The following ECPAS variants were observed in gnomAD, a reference collection of about 807,000 sequenced individuals.
ECPAS encodes the protein proteasome adapter and scaffold protein ECM29.
Under a neutral mutation model 255.1 loss-of-function variants are expected in ECPAS, and 70 were observed. The observed-to-expected ratio is 0.27, with a 90% confidence interval of 0.23 to 0.33. The LOEUF is 0.33. Ranked by LOEUF, ECPAS falls within the 10% of genes least tolerant of loss-of-function variation. ECPAS has a pLI of 1.00. For synonymous variants in ECPAS, 784 were observed against 775.0 expected, an observed-to-expected ratio of 1.01 and a Z score of -0.19; for missense variants, 1,817 against 2,206.4, an observed-to-expected ratio of 0.82 and a Z score of 3.54.
chr9:111,382,749 C>G (rs6477821), intron 35 of ECPAS, among the ~76,000 whole-genome samples: 104,659 of 152,140 alleles, frequency 0.69, 36,419 homozygotes, highest in African/African-American at 0.78. Context: ...CAGCACTGTA[C>G]TTTAAAAACA....
At chr9:111,383,457 A>G in intron 34 of ECPAS, 125 bp from the exon 35 acceptor site, 1 of 1,218,258 alleles carries the variant, frequency 8.2e-7, no homozygotes, top group South Asian at 1.6e-5. Flanking sequence ...TTTCTCTGAC[A>G]CTACAGAGAC....
At position 111,440,402 on chromosome 9, in the gene ECPAS, A is replaced by C; in HGVS notation, c.509T>G (p.Phe170Cys). Residue 170 changes from phenylalanine (F) to cysteine (C), a missense_variant, in exon 6 of 50, where the codon TTC becomes TGC. By Grantham distance (205) the Phe-to-Cys change is radical. Coordinates refer to ENST00000684092, the MANE Select transcript of ECPAS (RefSeq NM_001364929.1). The stretch of plus-strand genomic sequence containing the variant: ...AGGCATCAGAAGGACATCTAGCATG[A>C]AGTCCAAAAGCAGCTGCACAGTCTT... ...KPKTVQLLLD[F>C]MLDVLLMPYG... 1 of 1,613,226 alleles carries C rather than the reference A, an allele frequency of 6.2e-7. No individual in the cohort carries two copies. Among genetic ancestry groups the C allele is most frequent in the Non-Finnish European group, 8.5e-7 (1 of 1,179,440 alleles).
intron 38 of ECPAS, among the ~76,000 whole-genome samples, chr9:111,374,704 G>A (rs1201576697): frequency 6.6e-6 from 1 of 152,046 alleles, no homozygotes; most frequent in Admixed American, 6.6e-5. Flanking sequence ...GGGTGGTAGG[G>A]GGGTGTCTGA....
At chr9:111,459,644 A>G (rs1015074202) in intron 2 of ECPAS, among the ~76,000 whole-genome samples, 5 of 152,186 alleles carry the variant, frequency 3.3e-5, no homozygotes, top group African/African-American at 1.2e-4. Flanking sequence ...GAGACACAAG[A>G]GCTCATCATA....
intron 25 of ECPAS, among the ~76,000 whole-genome samples, chr9:111,396,473 A>G (rs16916060): frequency 0.056 from 8,484 of 152,290 alleles, 574 homozygotes; most frequent in African/African-American, 0.15. Context: ...AAAGAGCACA[A>G]GCTTCAAGGT....
At chr9:111,418,349 TCAGTGACTATC>T (rs778451730) in intron 16 of ECPAS, among the ~76,000 whole-genome samples, 11 of 152,132 alleles carry the variant, frequency 7.2e-5, no homozygotes, top group Non-Finnish European at 2.9e-5. Flanking sequence ...ATTTTAGAAG[TCAGTGACTATC>T]CAGTGGTCTA....
intron 20 of ECPAS, among the ~76,000 whole-genome samples, chr9:111,412,803 A>C (rs1401029161): frequency 6.6e-6 from 1 of 152,202 alleles, no homozygotes; most frequent in East Asian, 1.9e-4. Context: ...AAATGTGCAA[A>C]ACTCACACCT....
chr9:111,446,450 G>A (rs886725226), intron 3 of ECPAS, among the ~76,000 whole-genome samples: 5 of 152,134 alleles, frequency 3.3e-5, no homozygotes, highest in African/African-American at 7.2e-5. Context: ...TCTGAAATTC[G>A]TGCTCTAGCC....
At chr9:111,436,844 C>A in intron 7 of ECPAS, 96 bp downstream of exon 7, 1 of 1,058,322 alleles carries the variant, frequency 9.4e-7, no homozygotes, top group Non-Finnish European at 1.3e-6. Context: ...ACTGGAGAGC[C>A]TGAATATACT....
At position 111,390,180 on chromosome 9, in the gene ECPAS, T is replaced by C. The variant is rs563835561; in HGVS notation, c.3162-79A>G. On this transcript the variant is annotated intron_variant, in intron 29 of 49. Transcript: ENST00000684092. ...TAAAAAATTACATCATCAATATTAC[T>C]AGGACATACTAAAATCAAATTTTCA... 66 of 748,200 alleles carry C rather than the reference T, an allele frequency of 8.8e-5. No homozygotes were observed. In the African/African-American group the frequency reaches 9.8e-4, roughly 11 times the overall value. 46.3% of individuals were successfully genotyped at this position (748,200 alleles called of 1,614,324 possible).
intron 48 of ECPAS, 46 bp from the exon 49 acceptor site, chr9:111,363,705 C>T (rs767834197): frequency 1.1e-6 from 1 of 877,374 alleles, no homozygotes; most frequent in South Asian, 1.5e-5. Context: ...CTGAAAAACA[C>T]AACCTCCAAG....
rs779200863 is a variant in ECPAS at position 111,420,139 on chromosome 9, T to C, written c.1456-19A>G. 1 of 1,546,014 alleles carries C rather than the reference T, an allele frequency of 6.5e-7. No homozygotes were observed. The highest frequency in any genetic ancestry group is 1.1e-5 in the South Asian group (1 of 87,940). ...CTTCAGGCTATTTCATGTGTAAACA[T>C]ACACAGACCACCCCGATCCGAAAAA... is the stretch of plus-strand genomic sequence containing the variant. On this transcript the variant is annotated intron_variant, in intron 15 of 49. Transcript: ENST00000684092.
chr9:111,383,693 G>A (rs888853949), intron 34 of ECPAS, among the ~76,000 whole-genome samples: 3 of 152,144 alleles, frequency 2.0e-5, no homozygotes, highest in Non-Finnish European at 4.4e-5. Context: ...GGCCGAGGCA[G>A]GCGGATTGCT....
chr9:111,443,765 A>G (rs1024637756), intron 4 of ECPAS, among the ~76,000 whole-genome samples: 4 of 152,178 alleles, frequency 2.6e-5, no homozygotes, highest in Admixed American at 2.0e-4. Context: ...GTAAGATTCA[A>G]TCGATTCTGC....
chr9:111,456,574 T>C (rs1329191507), intron 2 of ECPAS, among the ~76,000 whole-genome samples: 3 of 152,134 alleles, frequency 2.0e-5, no homozygotes, highest in African/African-American at 7.2e-5. Flanking sequence ...ATTACAAAAA[T>C]GGAAAAACAT....
At chr9:111,472,566 G>T (rs980440700) in intron 2 of ECPAS, among the ~76,000 whole-genome samples, 24 of 151,752 alleles carry the variant, frequency 1.6e-4, no homozygotes, top group African/African-American at 5.6e-4. Context: ...TTGAGCCTTG[G>T]GAGATCAAGG....
chr9:111,461,271 G>A (rs948387586), intron 2 of ECPAS, among the ~76,000 whole-genome samples: 5 of 150,834 alleles, frequency 3.3e-5, no homozygotes, highest in Admixed American at 1.3e-4. Context: ...ACCAGCCTGG[G>A]CAACATGGTG....
At chr9:111,414,148 G>C (rs986101237) in intron 19 of ECPAS, among the ~76,000 whole-genome samples, 162 bp from the exon 20 acceptor site, 3 of 150,970 alleles carry the variant, frequency 2.0e-5, no homozygotes, top group African/African-American at 7.3e-5. Flanking sequence ...TATAGTATGT[G>C]ATTCACTACA....
chr9:111,406,922 A>C (rs1325603022), intron 24 of ECPAS, among the ~76,000 whole-genome samples: 1 of 149,058 alleles, frequency 6.7e-6, no homozygotes, highest in Non-Finnish European at 1.5e-5. Context: ...AGAAACCAAA[A>C]AAACCTTCAG....
Sources: gnomAD v4.1 joint callset for allele counts (sites outside exome capture counted in the v4.1 genomes callset) on GRCh38, gnomAD v4.1.1 for gene constraint, MANE v1.5 for transcripts, NCBI Gene and HGNC (gene_info 2026-07-23, HGNC 2026-07-21) for gene names.